NPFFR2: variants seen among roughly 807,000 people sequenced by gnomAD.
NPFFR2 encodes neuropeptide FF receptor 2, also known as G-protein coupled receptor 74.
Under a neutral mutation model 13.1 loss-of-function variants are expected in NPFFR2, and 15 were observed. The observed-to-expected ratio is 1.15, with a 90% CI of 0.77 to 1.76. The LOEUF (loss-of-function observed/expected upper bound fraction) is 1.76, where lower values mean the gene tolerates loss of function less well. NPFFR2 is among the 40% of genes most tolerant of loss of function. The pLI is 0.00. For missense variants in NPFFR2, 572 were observed against 503.5 expected (o/e 1.14, Z -1.30); for synonymous variants, 190 against 175.7 (o/e 1.08, Z -0.65).
At chr4:72,111,543 TAATGGGAACC>T (rs1002583451) in intron 1 of NPFFR2, among the ~76,000 whole-genome samples, 18 of 152,020 alleles carry the variant, frequency 1.2e-4, no homozygotes, top group African/African-American at 4.3e-4. Flanking sequence ...ATGGGGAAGC[TAATGGGAACC>T]AATAATCATA....
At chr4:72,050,084 G>A (rs956045581) in intron 1 of NPFFR2, among the ~76,000 whole-genome samples, 13 of 151,900 alleles carry the variant, frequency 8.6e-5, no homozygotes, top group African/African-American at 3.1e-4. Flanking sequence ...AATCATTAGT[G>A]GCCAATGATT....
At chr4:72,065,681 T>C (rs1444807222) in intron 1 of NPFFR2, among the ~76,000 whole-genome samples, 1 of 152,180 alleles carries the variant, frequency 6.6e-6, no homozygotes, top group Non-Finnish European at 1.5e-5. Context: ...CTAGTCCCAT[T>C]TTCTTCTAGT....
intron 1 of NPFFR2, among the ~76,000 whole-genome samples, chr4:72,121,331 G>A (rs1721872176): frequency 6.6e-6 from 1 of 152,132 alleles, no homozygotes; most frequent in African/African-American, 2.4e-5. Flanking sequence ...CACTTTTCAG[G>A]ATATTATCCA....
At chr4:72,094,877 G>A (rs1721017216) in intron 1 of NPFFR2, among the ~76,000 whole-genome samples, 1 of 152,164 alleles carries the variant, frequency 6.6e-6, no homozygotes, top group Admixed American at 6.5e-5. Flanking sequence ...TGGAGAAAAG[G>A]TTCACAATTT....
intron 1 of NPFFR2, among the ~76,000 whole-genome samples, chr4:72,127,716 G>A (rs1722105205): frequency 6.6e-6 from 1 of 151,914 alleles, no homozygotes; most frequent in Admixed American, 6.6e-5. Flanking sequence ...GTGAAACCAA[G>A]ACAAGTAACC....
chr4:72,090,802 A>G (rs1024464485), intron 1 of NPFFR2, among the ~76,000 whole-genome samples: 1 of 151,988 alleles, frequency 6.6e-6, no homozygotes, highest in Non-Finnish European at 1.5e-5. Context: ...CTCTTTACCA[A>G]TTTGGATGCC....
At chr4:72,046,522 C>G (rs1312586052) in intron 1 of NPFFR2, among the ~76,000 whole-genome samples, 1 of 152,134 alleles carries the variant, frequency 6.6e-6, no homozygotes, top group African/African-American at 2.4e-5. Context: ...GACCCATGAG[C>G]CAAATAAATT....
intron 2 of NPFFR2, among the ~76,000 whole-genome samples, chr4:72,132,169 C>T (rs916335034): frequency 8.6e-5 from 13 of 151,470 alleles, no homozygotes; most frequent in Non-Finnish European, 1.2e-4. Flanking sequence ...CTTACTCCCT[C>T]TACCCTCTGA....
At chr4:72,116,599 A>G (rs1721720430) in intron 1 of NPFFR2, among the ~76,000 whole-genome samples, 1 of 152,134 alleles carries the variant, frequency 6.6e-6, no homozygotes, top group African/African-American at 2.4e-5. Flanking sequence ...AAAAAATAGT[A>G]CTTTTGAAAT....
intron 1 of NPFFR2, among the ~76,000 whole-genome samples, chr4:72,076,707 G>A (rs1019697226): frequency 1.3e-5 from 2 of 152,126 alleles, no homozygotes; most frequent in Non-Finnish European, 2.9e-5. Flanking sequence ...AGGCCAGCTT[G>A]AGGGTAACCA....
rs59068492 is a variant in NPFFR2 at position 72,131,275 on chromosome 4, G to A, written c.328+2356G>A. ...AGGTGGAGTCCTTGCCAGGGACTGCGCCCTTTTCTAACTAGTATTTCCTTG... is the reference window on the plus strand; with the variant it reads ...AGGTGGAGTCCTTGCCAGGGACTGCACCCTTTTCTAACTAGTATTTCCTTG... On this transcript the variant is annotated intron_variant, in intron 2 of 3. Coordinates refer to ENST00000308744, the MANE Select transcript of NPFFR2 (RefSeq NM_004885.3). Among the ~76,000 whole-genome samples the A allele has an allele frequency of 9.8e-3, 1,484 of 152,060 alleles. 31 individuals are homozygous for A. Among genetic ancestry groups the A allele is most frequent in the African/African-American group, 0.033 (1,379 of 41,464 alleles).
rs185562533 is a variant in NPFFR2 at position 72,114,914 on chromosome 4, C to A, written c.-7-13671C>A. On this transcript the variant is annotated intron_variant, in intron 1 of 3. Coordinates refer to ENST00000308744, the MANE Select transcript of NPFFR2 (RefSeq NM_004885.3). ...CTGATGACCTTGTGCCAGTTACTTG[C>A]TTTTTCCCCAGTTTCTTCACCTAAA... 2.7e-4 allele frequency among the ~76,000 whole-genome samples: 41 copies of A among 152,206 alleles called. 1 individual carries two copies. The highest frequency in any genetic ancestry group is 2.5e-3 in the East Asian group (13 of 5,174).
chr4:72,091,021 C>G (rs72856179), intron 1 of NPFFR2, among the ~76,000 whole-genome samples: 4 of 151,382 alleles, frequency 2.6e-5, no homozygotes, highest in African/African-American at 9.7e-5. Flanking sequence ...TAATCATAAA[C>G]GTTAATCTAT....
At chr4:72,070,205 A>G (rs7677031) in intron 1 of NPFFR2, among the ~76,000 whole-genome samples, 136,936 of 152,176 alleles carry the variant, frequency 0.9, 62,561 homozygotes, top group Non-Finnish European at 0.98. Context: ...CAGCAACATA[A>G]GTAAAGTGTC....
Position 72,147,757 on chromosome 4 carries a change from A to G in NPFFR2, c.1208A>G (p.Gln403Arg). Residue 403 changes from glutamine (Q) to arginine (R), a missense_variant, in exon 4 of 4, where the codon CAA (glutamine) becomes CGA (arginine). Gln to Arg is a conservative substitution (Grantham distance 43, BLOSUM62 1). Transcript: ENST00000308744. The stretch of plus-strand genomic sequence containing the variant: ...TATAGGAAAAGTGCTGAAAAACCCC[A>G]ACAGGAATTAGTGATGGAAGAATTA... ...LLYRKSAEKP[Q>R]QELVMEELKE... is the part of the protein sequence containing the mutation. 6.3e-7 allele frequency: 1 copy of G among 1,595,206 alleles called. No homozygotes were observed. The highest frequency in any genetic ancestry group is 1.8e-5 in the Admixed American group (1 of 54,172).
At chr4:72,118,986 G>A (rs1721791105) in intron 1 of NPFFR2, among the ~76,000 whole-genome samples, 1 of 152,126 alleles carries the variant, frequency 6.6e-6, no homozygotes, top group Admixed American at 6.5e-5. Context: ...TAGTGGAACA[G>A]TTAATGACTT....
At chr4:72,117,799 A>G (rs1045824735) in intron 1 of NPFFR2, among the ~76,000 whole-genome samples, 1 of 152,192 alleles carries the variant, frequency 6.6e-6, no homozygotes, top group Non-Finnish European at 1.5e-5. Flanking sequence ...AGAAAATGTA[A>G]ACAATTTCGG....
intron 1 of NPFFR2, among the ~76,000 whole-genome samples, chr4:72,126,200 T>C (rs564208986): frequency 6.6e-6 from 1 of 152,362 alleles, no homozygotes; most frequent in South Asian, 2.1e-4. Context: ...CGGTAGAATC[T>C]GCCCAGTTTT....
chr4:72,108,600 A>G (rs146495676), intron 1 of NPFFR2, among the ~76,000 whole-genome samples: 2 of 152,022 alleles, frequency 1.3e-5, no homozygotes, highest in African/African-American at 2.4e-5. Context: ...ATAGACTAAA[A>G]TATTATATAT....
Sources: allele counts gnomAD v4.1 joint callset (sites outside exome capture counted in the v4.1 genomes callset), GRCh38; gene constraint gnomAD v4.1.1; transcripts MANE v1.5; gene names NCBI Gene and HGNC (gene_info 2026-07-23, HGNC 2026-07-21).